GAPVD1: variants seen among roughly 807,000 people sequenced by gnomAD.
GAPVD1 encodes the protein GTPase-activating protein and VPS9 domain-containing protein 1.
A neutral mutation model predicts 155.5 loss-of-function variants in GAPVD1; 35 were observed. The observed-to-expected ratio is 0.23, with a 90% CI of 0.17 to 0.30. GAPVD1 has a LOEUF of 0.30. Among genes scored for constraint, GAPVD1 ranks in the 10% least tolerant of loss-of-function variants. The pLI, the probability that GAPVD1 is intolerant of heterozygous loss-of-function variation, is 1.00. For synonymous variants in GAPVD1, 636 were observed against 619.7 expected (o/e 1.03, Z -0.39); for missense variants, 1,429 against 1,775.7 (o/e 0.80, Z 3.51).
At position 125,334,143 on chromosome 9, in the gene GAPVD1, A is replaced by G. The variant is rs377363669; in HGVS notation, c.2428+1514A>G. Among the ~76,000 whole-genome samples the G allele has an allele frequency of 7.5e-4, 114 of 152,262 alleles. 1 individual carries two copies. The highest frequency in any genetic ancestry group is 3.1e-3 in the South Asian group (15 of 4,818). On this transcript the variant is annotated intron_variant, in intron 15 of 27. Transcript: ENST00000297933. ...ATGAAGTCACAACTGTTTTCATAAA[A>G]ATCAAAGTTAACTGTCCATTTTCAC... is the stretch of plus-strand genomic sequence containing the variant.
chr9:125,311,309 G>T (rs182427833), intron 8 of GAPVD1, among the ~76,000 whole-genome samples: 32 of 152,194 alleles, frequency 2.1e-4, no homozygotes, highest in South Asian at 2.1e-3. Context: ...TGCATTTCAG[G>T]GGGGGAAGGT....
chr9:125,350,665 C>A, intron 22 of GAPVD1, 48 bp from the exon 23 acceptor site: 1 of 1,171,556 alleles, frequency 8.5e-7, no homozygotes, highest in Middle Eastern at 2.0e-4. Flanking sequence ...CTTATTTAAG[C>A]ACATGGAAAT....
intron 25 of GAPVD1, among the ~76,000 whole-genome samples, chr9:125,358,103 CCT>C (rs1850377828): frequency 6.6e-6 from 1 of 151,846 alleles, no homozygotes; most frequent in Admixed American, 6.6e-5. Context: ...TATTTTTCCT[CCT>C]CTGTATTTTC....
At chr9:125,352,891 G>A (rs573211829) in intron 23 of GAPVD1, among the ~76,000 whole-genome samples, 32 of 152,248 alleles carry the variant, frequency 2.1e-4, no homozygotes, top group Admixed American at 1.7e-3. Context: ...TGGATCACCC[G>A]AGGTCAGGAG....
At chr9:125,268,556 G>C (rs988887841) in intron 1 of GAPVD1, among the ~76,000 whole-genome samples, 10 of 144,030 alleles carry the variant, frequency 6.9e-5, no homozygotes, top group Non-Finnish European at 1.3e-4. Flanking sequence ...CTGGAGTGCA[G>C]TAACGCTATC....
chr9:125,329,731 G>GGCAT (rs1416608863), intron 12 of GAPVD1, among the ~76,000 whole-genome samples: 5 of 151,722 alleles, frequency 3.3e-5, no homozygotes, highest in African/African-American at 1.2e-4. Flanking sequence ...GGAGGGCAAT[G>GGCAT]GCATGACCTC....
intron 2 of GAPVD1, among the ~76,000 whole-genome samples, chr9:125,294,154 C>T (rs1228869097): frequency 1.3e-5 from 2 of 151,616 alleles, no homozygotes; most frequent in Non-Finnish European, 2.9e-5. Context: ...GATCCGCCCA[C>T]CTCGGCCTCT....
At chr9:125,336,140 G>A (rs1366122913) in intron 15 of GAPVD1, among the ~76,000 whole-genome samples, 6 of 135,978 alleles carry the variant, frequency 4.4e-5, no homozygotes, top group Non-Finnish European at 6.1e-5. Flanking sequence ...GCAAGACTTT[G>A]TCTCCAAAAA....
rs1851506757 is a variant in GAPVD1, at chr9:125,367,110, T to G, written c.*4364T>G. ...CAATTAATGAGCTTGCACAATCTTG[T>G]ATATGTACAGGAAACCCCTCCTGTC... On this transcript the variant is annotated 3_prime_UTR_variant, in exon 28 of 28. Transcript: ENST00000297933. 1 of 152,228 alleles carries G rather than the reference T, an allele frequency of 6.6e-6. No homozygotes were observed. 9.4% of individuals were successfully genotyped at this position (152,228 alleles called of 1,614,324 possible). A position where few individuals can be genotyped will look rare whatever the true frequency, so the allele number is the denominator to read the frequency against.
intron 5 of GAPVD1, among the ~76,000 whole-genome samples, chr9:125,303,079 C>T (rs1210050739): frequency 6.6e-6 from 1 of 152,094 alleles, no homozygotes; most frequent in Non-Finnish European, 1.5e-5. Flanking sequence ...GGCTGGAGTG[C>T]AGTGGCGCAA....
chr9:125,310,007 T>C, intron 8 of GAPVD1: 1 of 458,890 alleles, frequency 2.2e-6, no homozygotes, highest in Non-Finnish European at 4.5e-6. Context: ...GTAACCCCGT[T>C]TGGTGGGTAA....
chr9:125,329,109 C>A (rs1344119003), intron 12 of GAPVD1, among the ~76,000 whole-genome samples: 2 of 151,822 alleles, frequency 1.3e-5, no homozygotes, highest in Admixed American at 6.6e-5. Context: ...AGAGGGAGAC[C>A]GTGGGGAGAG....
intron 9 of GAPVD1, among the ~76,000 whole-genome samples, 193 bp downstream of exon 9, chr9:125,312,805 A>T (rs1287991621): frequency 1.3e-5 from 2 of 152,070 alleles, no homozygotes; most frequent in African/African-American, 2.4e-5. Flanking sequence ...TAGATGATGT[A>T]TTCTTGCTGT....
chr9:125,288,877 T>G (rs1564298135), intron 2 of GAPVD1, among the ~76,000 whole-genome samples: 1 of 152,136 alleles, frequency 6.6e-6, no homozygotes, highest in Non-Finnish European at 1.5e-5. Context: ...GAAAAAACAA[T>G]GCAGGGAAAG....
rs189230443 is a variant in GAPVD1, at chr9:125,302,385, C to T, written c.588C>T (p.Leu196=). 2.8e-4 allele frequency: 455 copies of T among 1,614,060 alleles called. 2 individuals carry two copies. The East Asian group carries it at 6.7e-3, about 24-fold the overall frequency. ...SEGLFSAKLF[L]TATLHEPIMQ... is the part of the protein sequence containing the mutation. Reference sequence around the variant, plus strand: ...GACTGTTTTCTGCCAAACTTTTCCTCACAGCCACTTTACATGAGCCAATTA... The same window carrying T: ...GACTGTTTTCTGCCAAACTTTTCCTTACAGCCACTTTACATGAGCCAATTA... Residue 196 remains leucine (L), a synonymous_variant, in exon 5 of 28, where the codon CTC becomes CTT. Coordinates refer to ENST00000297933, the MANE Select transcript of GAPVD1 (RefSeq NM_001282680.3).
At chr9:125,281,073 A>T (rs1432825938) in intron 2 of GAPVD1, among the ~76,000 whole-genome samples, 1 of 152,154 alleles carries the variant, frequency 6.6e-6, no homozygotes, top group Non-Finnish European at 1.5e-5. Context: ...ATCACAGTGA[A>T]CTGAAAGAAA....
rs1851444086 is a variant in GAPVD1 at position 125,365,864 on chromosome 9, C to A, written c.*3118C>A. ...ATGTTGGCCAGGCTGGTCTCGAACT[C>A]CTGGCCTCAAGTGATCCGCCTACCT... is the stretch of plus-strand genomic sequence containing the variant. On this transcript the variant is annotated 3_prime_UTR_variant, in exon 28 of 28. Coordinates refer to ENST00000297933, the MANE Select transcript of GAPVD1 (RefSeq NM_001282680.3). The A allele has an allele frequency of 6.6e-6, 1 of 152,264 alleles. No individual in the cohort carries two copies. Among genetic ancestry groups the A allele is most frequent in the Non-Finnish European group, 1.5e-5 (1 of 68,094 alleles). The allele number at this position is 152,264 out of a possible 1,614,324, so 9.4% of individuals were successfully genotyped here. A position where few individuals can be genotyped will look rare whatever the true frequency, so the allele number is the denominator to read the frequency against.
At chr9:125,327,229 G>A (rs1198428609) in intron 12 of GAPVD1, among the ~76,000 whole-genome samples, 1 of 151,824 alleles carries the variant, frequency 6.6e-6, no homozygotes, top group Non-Finnish European at 1.5e-5. Context: ...CAGGTGCTAT[G>A]TATATACACT....
intron 2 of GAPVD1, among the ~76,000 whole-genome samples, chr9:125,286,467 A>G (rs1464596663): frequency 6.6e-6 from 1 of 151,642 alleles, no homozygotes; most frequent in Non-Finnish European, 1.5e-5. Context: ...ACAGGTTTTC[A>G]AAGTCTAGTT....
Sources: gnomAD v4.1 joint callset for allele counts (sites outside exome capture counted in the v4.1 genomes callset) on GRCh38, gnomAD v4.1.1 for gene constraint, MANE v1.5 for transcripts, NCBI Gene and HGNC (gene_info 2026-07-23, HGNC 2026-07-21) for gene names.